FHOD3: variants seen among roughly 807,000 people sequenced by gnomAD.
The protein encoded by FHOD3 is FH1/FH2 domain-containing protein 3.
A neutral mutation model predicts 173.0 loss-of-function variants in FHOD3; 90 were observed. The observed-to-expected ratio is 0.52, with a 90% CI of 0.44 to 0.62. FHOD3 has a LOEUF of 0.62. FHOD3 is among the 20% of genes least tolerant of loss of function. The pLI is 0.00. For synonymous variants in FHOD3, 828 were observed against 823.0 expected, an observed-to-expected ratio of 1.01 and a Z score of -0.10; for missense variants, 1,945 against 2,034.7, an observed-to-expected ratio of 0.96 and a Z score of 0.85.
intron 17 of FHOD3, among the ~76,000 whole-genome samples, chr18:36,699,131 CT>C (rs1388410546): frequency 2.0e-5 from 3 of 152,180 alleles, no homozygotes; most frequent in African/African-American, 7.2e-5. Flanking sequence ...AATGCCTTTG[CT>C]TGCAAGACTG....
At chr18:36,715,609 C>T (rs1397874308) in intron 18 of FHOD3, among the ~76,000 whole-genome samples, 1 of 152,190 alleles carries the variant, frequency 6.6e-6, no homozygotes, top group Non-Finnish European at 1.5e-5. Context: ...AACCCAAATC[C>T]TGTTCTCACA....
In FHOD3 at chr18:36,655,745, CCACACACACA is replaced by C. The variant is rs60138204; in HGVS notation, c.1722-2311_1722-2302del. ...AGTCATTAAAAAGAACCCTCACCCTCCACACACACACACACACACACACACACAAAAATGC... is the reference window on the plus strand; with the variant it reads ...AGTCATTAAAAAGAACCCTCACCCTCCACACACACACACACACAAAAATGC... On this transcript the variant is annotated intron_variant, in intron 13 of 28. Transcript: ENST00000590592. Among the ~76,000 whole-genome samples, 845 of 137,942 alleles carry C rather than the reference CCACACACACA, an allele frequency of 6.1e-3. 9 individuals are homozygous for C. The highest frequency in any genetic ancestry group is 0.023 in the African/African-American group (794 of 35,194). The allele number at this position is 137,942 out of a possible 152,430, so 90.5% of individuals were successfully genotyped here. A position where few individuals can be genotyped will look rare whatever the true frequency, so the allele number is the denominator to read the frequency against.
At chr18:36,605,986 A>G (rs1261359812) in intron 8 of FHOD3, among the ~76,000 whole-genome samples, 2 of 152,174 alleles carry the variant, frequency 1.3e-5, no homozygotes, top group Admixed American at 1.3e-4. Context: ...GCCTTGTAAA[A>G]TAGGAGAAAG....
At chr18:36,554,243 T>C (rs1183244848) in intron 5 of FHOD3, among the ~76,000 whole-genome samples, 1 of 152,128 alleles carries the variant, frequency 6.6e-6, no homozygotes, top group Non-Finnish European at 1.5e-5. Flanking sequence ...AACCCAAATG[T>C]CCATCAATGA....
intron 3 of FHOD3, among the ~76,000 whole-genome samples, chr18:36,484,153 A>G (rs1402450738): frequency 1.3e-5 from 2 of 152,232 alleles, no homozygotes; most frequent in Non-Finnish European, 2.9e-5. Context: ...ATCCTATGTG[A>G]CAGTCCCAGC....
chr18:36,577,670 T>C (rs9959037), intron 6 of FHOD3, among the ~76,000 whole-genome samples: 45,331 of 152,184 alleles, frequency 0.3, 7,090 homozygotes, highest in African/African-American at 0.33. Flanking sequence ...AGTAATATAA[T>C]TCCCATTTGG....
intron 3 of FHOD3, among the ~76,000 whole-genome samples, chr18:36,493,909 T>C (rs1400656737): frequency 6.6e-6 from 1 of 152,202 alleles, no homozygotes; most frequent in Non-Finnish European, 1.5e-5. Flanking sequence ...GTTAATGTAT[T>C]TGACACTTGA....
intron 18 of FHOD3, among the ~76,000 whole-genome samples, chr18:36,713,551 T>C (rs956192758): frequency 1.3e-4 from 20 of 152,196 alleles, no homozygotes; most frequent in Admixed American, 7.2e-4. Flanking sequence ...TGGGTACAAG[T>C]ATACAATTTG....
At position 36,454,343 on chromosome 18, in the gene FHOD3, G is replaced by A. The variant is rs73947133; in HGVS notation, c.338-47589G>A. On this transcript the variant is annotated intron_variant, in intron 3 of 28. Coordinates refer to ENST00000590592, the MANE Select transcript of FHOD3 (RefSeq NM_001281740.3). Reference sequence around the variant, plus strand: ...CATATGGGGTTGTGCACACATGAGCGCACACAGAAGCACACACATGAGCGC... The same window carrying A: ...CATATGGGGTTGTGCACACATGAGCACACACAGAAGCACACACATGAGCGC... Among the ~76,000 whole-genome samples the A allele has an allele frequency of 5.6e-3, 851 of 152,008 alleles. 9 individuals are homozygous for A. The highest frequency in any genetic ancestry group is 0.02 in the African/African-American group (818 of 41,416).
At position 36,553,603 on chromosome 18, in the gene FHOD3, C is replaced by T. The variant is rs568353895; in HGVS notation, c.512-22848C>T. ...TGTTCTAGACTTTCTAGTTTATTTG[C>T]GTAGAGGTGTTTATAGTATTCTCTG... On this transcript the variant is annotated intron_variant, in intron 5 of 28. Transcript: ENST00000590592. 5.3e-5 allele frequency among the ~76,000 whole-genome samples: 8 copies of T among 152,154 alleles called. No individual in the cohort carries two copies. The South Asian group carries it at 6.2e-4, about 12-fold the overall frequency.
intron 3 of FHOD3, among the ~76,000 whole-genome samples, chr18:36,496,588 A>G (rs565766950): frequency 5.2e-4 from 79 of 152,314 alleles, no homozygotes; most frequent in Admixed American, 1.6e-3. Flanking sequence ...AAACCACAGT[A>G]TTGTTCTTTG....
chr18:36,600,126 A>G (rs1380914982), intron 7 of FHOD3, among the ~76,000 whole-genome samples: 1 of 152,140 alleles, frequency 6.6e-6, no homozygotes, highest in Non-Finnish European at 1.5e-5. Context: ...CAGAGGCCTT[A>G]GGAGCTCCAG....
intron 23 of FHOD3, among the ~76,000 whole-genome samples, chr18:36,745,560 C>T (rs2042110296): frequency 1.3e-5 from 2 of 152,132 alleles, no homozygotes; most frequent in African/African-American, 4.8e-5. Context: ...CTTCATTGTC[C>T]TTCTAAGGGT....
Position 36,460,075 on chromosome 18 carries a change from A to G in FHOD3, c.338-41857A>G, listed in dbSNP as rs116157676. On this transcript the variant is annotated intron_variant, in intron 3 of 28. Transcript: ENST00000590592. ...TTTCTCATCATTAGAATGGGGTTATATGCTTTCTAATGTGCCATTCTCACC... is the reference window on the plus strand; with the variant it reads ...TTTCTCATCATTAGAATGGGGTTATGTGCTTTCTAATGTGCCATTCTCACC... Among the ~76,000 whole-genome samples, 809 of 152,284 alleles carry G rather than the reference A, an allele frequency of 5.3e-3. 10 individuals are homozygous for G. The highest frequency in any genetic ancestry group is 0.019 in the African/African-American group (776 of 41,566).
intron 18 of FHOD3, among the ~76,000 whole-genome samples, chr18:36,714,548 AT>A (rs1363834305): frequency 1.3e-5 from 2 of 152,206 alleles, no homozygotes; most frequent in Non-Finnish European, 2.9e-5. Flanking sequence ...AAGAAAAAAA[AT>A]ATTACCTGAT....
chr18:36,359,815 G>A lies in FHOD3; in HGVS notation c.272+4170G>A, dbSNP rs2046524538. Among the ~76,000 whole-genome samples the A allele has an allele frequency of 2.0e-5, 3 of 152,206 alleles. No homozygotes were observed. In the South Asian group the frequency reaches 6.2e-4, roughly 32 times the overall value. On this transcript the variant is annotated intron_variant, in intron 2 of 28. Transcript: ENST00000590592. Reference sequence around the variant, plus strand: ...TATTATCATAATACTGCCTCTTTGGGTTGTTTCGAAGTAAAATATGATAAT... The same window carrying A: ...TATTATCATAATACTGCCTCTTTGGATTGTTTCGAAGTAAAATATGATAAT...
At position 36,550,702 on chromosome 18, in the gene FHOD3, T is replaced by G. The variant is rs772953098; in HGVS notation, c.512-25749T>G. ...AGTATTTCATATTTTTATGTATTTT[T>G]TAAAATTCCAATTTCAAATTGCTCA... On this transcript the variant is annotated intron_variant, in intron 5 of 28. Coordinates refer to ENST00000590592, the MANE Select transcript of FHOD3 (RefSeq NM_001281740.3). Among the ~76,000 whole-genome samples, 71 of 152,210 alleles carry G rather than the reference T, an allele frequency of 4.7e-4. 1 individual carries two copies. The highest frequency in any genetic ancestry group is 9.6e-4 in the Non-Finnish European group (65 of 68,026).
intron 3 of FHOD3, among the ~76,000 whole-genome samples, chr18:36,456,618 G>A (rs535000201): frequency 6.6e-6 from 1 of 152,202 alleles, no homozygotes; most frequent in South Asian, 2.1e-4. Flanking sequence ...ACTACTGGAT[G>A]GGGCTGGGGA....
intron 8 of FHOD3, among the ~76,000 whole-genome samples, chr18:36,604,168 G>A (rs1330613652): frequency 6.6e-6 from 1 of 152,138 alleles, no homozygotes; most frequent in East Asian, 1.9e-4. Context: ...ATGCCTTAGA[G>A]CACAGGCACC....
Sources: gnomAD v4.1 joint callset for allele counts (sites outside exome capture counted in the v4.1 genomes callset) on GRCh38, gnomAD v4.1.1 for gene constraint, MANE v1.5 for transcripts, NCBI Gene and HGNC (gene_info 2026-07-23, HGNC 2026-07-21) for gene names.